Variants in ARHGAP24 observed in about 807,000 individuals in gnomAD.
ARHGAP24 encodes the protein rho GTPase-activating protein 24.
In ARHGAP24, 50 loss-of-function variants were observed where a neutral mutation model predicts 76.4. The observed-to-expected ratio is 0.65, with a 90% CI of 0.52 to 0.83. The LOEUF (loss-of-function observed/expected upper bound fraction) is 0.83, where lower values mean the gene tolerates loss of function less well. Among genes scored for constraint, ARHGAP24 ranks in the 40% least tolerant of loss-of-function variants. The pLI, the probability that ARHGAP24 is intolerant of heterozygous loss-of-function variation, is 0.00. For synonymous variants in ARHGAP24, 345 were observed against 323.3 expected, an observed-to-expected ratio of 1.07 and a Z score of -0.72; for missense variants, 930 against 914.2, an observed-to-expected ratio of 1.02 and a Z score of -0.22.
intron 3 of ARHGAP24, among the ~76,000 whole-genome samples, chr4:85,758,288 G>A (rs374327906): frequency 1.3e-5 from 2 of 152,148 alleles, no homozygotes; most frequent in East Asian, 3.9e-4. Flanking sequence ...TCCTCAAAGG[G>A]AGCCTATCGT....
At chr4:85,884,782 T>C (rs1280194177) in intron 3 of ARHGAP24, among the ~76,000 whole-genome samples, 2 of 152,172 alleles carry the variant, frequency 1.3e-5, no homozygotes, top group African/African-American at 4.8e-5. Flanking sequence ...TAAAGAAATC[T>C]TGGGGTTGGA....
chr4:85,678,201 T>G (rs538650206), intron 2 of ARHGAP24, among the ~76,000 whole-genome samples: 8 of 152,128 alleles, frequency 5.3e-5, no homozygotes, highest in Admixed American at 5.2e-4. Context: ...AGACCCCATC[T>G]CTACAAAAAG....
intron 2 of ARHGAP24, among the ~76,000 whole-genome samples, chr4:85,657,442 T>A (rs1308292592): frequency 1.3e-5 from 2 of 152,016 alleles, no homozygotes; most frequent in African/African-American, 2.4e-5. Flanking sequence ...AAGAGAAAAA[T>A]TTTCTTCCTC....
chr4:85,864,619 T>A (rs1390199631), intron 3 of ARHGAP24, among the ~76,000 whole-genome samples: 6 of 152,016 alleles, frequency 3.9e-5, no homozygotes, highest in Non-Finnish European at 5.9e-5. Flanking sequence ...CAGTTTTTTT[T>A]TTTTTTAAAT....
At chr4:85,694,119 C>T (rs1292836029) in intron 2 of ARHGAP24, among the ~76,000 whole-genome samples, 1 of 152,062 alleles carries the variant, frequency 6.6e-6, no homozygotes, top group Non-Finnish European at 1.5e-5. Flanking sequence ...TCCGTCTACT[C>T]CTAGCATTTT....
chr4:85,977,386 T>A (rs1739404233), intron 7 of ARHGAP24, among the ~76,000 whole-genome samples, 184 bp from the exon 8 acceptor site: 1 of 152,178 alleles, frequency 6.6e-6, no homozygotes, highest in Admixed American at 6.5e-5. Flanking sequence ...TAAAGTTTGA[T>A]CCTTTCTAAT....
At chr4:85,879,506 G>T (rs1401200555) in intron 3 of ARHGAP24, among the ~76,000 whole-genome samples, 3 of 151,936 alleles carry the variant, frequency 2.0e-5, no homozygotes, top group Admixed American at 6.6e-5. Context: ...TATTAATTAT[G>T]ATTGTAATAG....
At chr4:85,732,694 CTTTTTTTT>C (rs5859999) in intron 3 of ARHGAP24, among the ~76,000 whole-genome samples, 1 of 136,806 alleles carries the variant, frequency 7.3e-6, no homozygotes, top group African/African-American at 2.7e-5. Flanking sequence ...ATTCAAACTT[CTTTTTTTT>C]TTTTTTTTGA....
chr4:85,572,874 CTTTTTTTTTT>C (rs775780758), intron 2 of ARHGAP24, among the ~76,000 whole-genome samples: 3 of 124,296 alleles, frequency 2.4e-5, no homozygotes, highest in Non-Finnish European at 5.0e-5. Context: ...TTTTTTCTTT[CTTTTTTTTTT>C]TTTTTTTTTT....
chr4:85,693,556 T>A (rs1240285120), intron 2 of ARHGAP24, among the ~76,000 whole-genome samples: 1 of 152,206 alleles, frequency 6.6e-6, no homozygotes, highest in Non-Finnish European at 1.5e-5. Context: ...CTCCATCCTG[T>A]GTACCTGGGG....
intron 1 of ARHGAP24, among the ~76,000 whole-genome samples, chr4:85,503,059 G>A (rs1417239199): frequency 6.6e-6 from 1 of 152,202 alleles, no homozygotes; most frequent in Non-Finnish European, 1.5e-5. Flanking sequence ...TGCATCCCAG[G>A]GATGAAGCCG....
rs148161303 is a variant in ARHGAP24, at chr4:85,698,886, C to T, written c.181-22999C>T. Among the ~76,000 whole-genome samples, 118 of 152,236 alleles carry T rather than the reference C, an allele frequency of 7.8e-4. 1 individual carries two copies. The highest frequency in any genetic ancestry group is 3.4e-3 in the Middle Eastern group (1 of 294). ...GTCATGAGGGTAGGTCCCTCATAGC[C>T]GGTGCTGTCTTTGTGATAGTGAGTT... On this transcript the variant is annotated intron_variant, in intron 2 of 9. Coordinates refer to ENST00000395184, the MANE Select transcript of ARHGAP24 (RefSeq NM_001025616.3).
chr4:85,486,475 A>T (rs1299789721), intron 1 of ARHGAP24, among the ~76,000 whole-genome samples: 1 of 152,176 alleles, frequency 6.6e-6, no homozygotes, highest in Non-Finnish European at 1.5e-5. Context: ...TATTTTGTGA[A>T]ATCATCTGGG....
chr4:85,670,105 A>T (rs1314416221), intron 2 of ARHGAP24, among the ~76,000 whole-genome samples: 22 of 152,036 alleles, frequency 1.4e-4, no homozygotes. Context: ...TACTTCAATA[A>T]TATTTAACTC....
At chr4:85,519,742 T>C (rs1724663619) in intron 1 of ARHGAP24, among the ~76,000 whole-genome samples, 1 of 152,120 alleles carries the variant, frequency 6.6e-6, no homozygotes, top group African/African-American at 2.4e-5. Context: ...TGCTGTAGGA[T>C]TAAGGCACCA....
intron 1 of ARHGAP24, among the ~76,000 whole-genome samples, chr4:85,555,637 C>T (rs1726325712): frequency 6.6e-6 from 1 of 152,222 alleles, no homozygotes; most frequent in South Asian, 2.1e-4. Context: ...CACTGCAGCC[C>T]TGGGTGAGCT....
At chr4:85,527,429 G>A (rs550344408) in intron 1 of ARHGAP24, among the ~76,000 whole-genome samples, 268 of 152,074 alleles carry the variant, frequency 1.8e-3, no homozygotes, top group Non-Finnish European at 2.5e-3. Context: ...TAATTGAAAG[G>A]CAAAACTGAA....
chr4:85,935,021 G>A (rs1229635710), intron 4 of ARHGAP24, among the ~76,000 whole-genome samples: 1 of 152,214 alleles, frequency 6.6e-6, no homozygotes, highest in East Asian at 1.9e-4. Context: ...GTGAGGTACA[G>A]TGTTACTATC....
At chr4:85,821,026 T>C (rs1479196737) in intron 3 of ARHGAP24, among the ~76,000 whole-genome samples, 8 of 152,068 alleles carry the variant, frequency 5.3e-5, no homozygotes, top group Non-Finnish European at 5.9e-5. Flanking sequence ...CATTTAAAGA[T>C]TGGAGGTACA....
Sources: allele counts gnomAD v4.1 joint callset (sites outside exome capture counted in the v4.1 genomes callset), GRCh38; gene constraint gnomAD v4.1.1; transcripts MANE v1.5; gene names NCBI Gene and HGNC (gene_info 2026-07-23, HGNC 2026-07-21).